Variants in TBL1X observed in about 807,000 individuals in gnomAD.
TBL1X encodes transducin beta like 1 X-linked.
Under a neutral mutation model 50.7 loss-of-function variants are expected in TBL1X, and 10 were observed. That is an observed-to-expected ratio of 0.20 (90% CI 0.12 to 0.33). The LOEUF (loss-of-function observed/expected upper bound fraction) is 0.33. TBL1X is among the 10% of genes least tolerant of loss of function. TBL1X has a pLI of 1.00. For synonymous variants in TBL1X, 190 were observed against 214.7 expected (o/e 0.88, Z 1.01); for missense variants, 340 against 504.4 (o/e 0.67, Z 3.12).
chrX:9,497,216 C>T (rs1290073497), intron 1 of TBL1X, among the ~76,000 whole-genome samples: 1 of 109,985 alleles, frequency 9.1e-6, no homozygotes, highest in African/African-American at 3.3e-5. Context: ...TGAGACCAGC[C>T]TGGGCAACAT....
chrX:9,551,623 A>T (rs2082271545), intron 2 of TBL1X, among the ~76,000 whole-genome samples: 1 of 111,618 alleles, frequency 9.0e-6, no homozygotes, highest in Non-Finnish European at 1.9e-5. Context: ...TCAGGCTGAC[A>T]TATACTCCCT....
At chrX:9,506,648 A>G (rs2082027528) in intron 2 of TBL1X, among the ~76,000 whole-genome samples, 1 of 112,363 alleles carries the variant, frequency 8.9e-6, no homozygotes, top group African/African-American at 3.2e-5. Flanking sequence ...ATCAGAGAAT[A>G]CTATAAACAC....
chrX:9,565,392 C>G (rs1390801220), intron 2 of TBL1X, among the ~76,000 whole-genome samples: 1 of 108,900 alleles, frequency 9.2e-6, no homozygotes, highest in Non-Finnish European at 1.9e-5. Flanking sequence ...GTTATATGAG[C>G]TATCGAAAAC....
At chrX:9,712,108 GA>G (rs1462429867) in intron 16 of TBL1X, among the ~76,000 whole-genome samples, 1 of 112,376 alleles carries the variant, frequency 8.9e-6, no homozygotes, top group African/African-American at 3.2e-5. Flanking sequence ...TCCATGGCAC[GA>G]AACCTTCCAC....
chrX:9,582,246 T>TC (rs1201098731), intron 2 of TBL1X, among the ~76,000 whole-genome samples: 2 of 112,010 alleles, frequency 1.8e-5, no homozygotes, highest in Non-Finnish European at 1.9e-5. Context: ...TGAAGTGTGA[T>TC]CTCCCATATT....
intron 8 of TBL1X, 142 bp from the exon 9 acceptor site, chrX:9,691,971 A>G: frequency 9.7e-7 from 1 of 1,034,657 alleles, no homozygotes; most frequent in South Asian, 2.2e-5. Context: ...AAAGATGGCA[A>G]AGAGGGAAAC....
In TBL1X at chrX:9,522,787, G is replaced by A. The variant is rs1367847869; in HGVS notation, c.-131+20938G>A. Among the ~76,000 whole-genome samples, 4 of 111,615 alleles carry A rather than the reference G, an allele frequency of 3.6e-5. No individual in the cohort carries two copies. The East Asian group carries it at 1.1e-3, about 32-fold the overall frequency. ...AGGAATGCCTTGTCCCTCCTGCCTC[G>A]GTTGAACTCACTTTCTCAGGCTCCC... On this transcript the variant is annotated intron_variant, in intron 2 of 17. Coordinates refer to ENST00000645353, the MANE Select transcript of TBL1X (RefSeq NM_005647.4).
Position 9,555,252 on chromosome X carries a change from A to G in TBL1X, c.-131+53403A>G, listed in dbSNP as rs185474471. On this transcript the variant is annotated intron_variant, in intron 2 of 17. Coordinates refer to ENST00000645353, the MANE Select transcript of TBL1X (RefSeq NM_005647.4). ...CACCACGCCTGGCTAATTTGTTTTTAGTTTTGTAGAGAGAGTGTCTTGTTA... is the reference window on the plus strand; with the variant it reads ...CACCACGCCTGGCTAATTTGTTTTTGGTTTTGTAGAGAGAGTGTCTTGTTA... 7.3e-5 allele frequency among the ~76,000 whole-genome samples: 8 copies of G among 110,248 alleles called. No individual in the cohort carries two copies. In the East Asian group the frequency reaches 2.3e-3, roughly 32 times the overall value.
At chrX:9,622,814 C>A (rs987185463) in intron 2 of TBL1X, among the ~76,000 whole-genome samples, 3 of 111,644 alleles carry the variant, frequency 2.7e-5, no homozygotes, top group African/African-American at 9.8e-5. Flanking sequence ...AATTTCATTC[C>A]ATTTAAAGGC....
At chrX:9,664,341 C>T (rs1414212304) in intron 5 of TBL1X, among the ~76,000 whole-genome samples, 1 of 112,387 alleles carries the variant, frequency 8.9e-6, no homozygotes, top group African/African-American at 3.2e-5. Flanking sequence ...TTATATTTCG[C>T]AGGTCATTAG....
intron 2 of TBL1X, among the ~76,000 whole-genome samples, chrX:9,561,300 G>A (rs748369693): frequency 1.3e-4 from 14 of 111,968 alleles, no homozygotes; most frequent in South Asian, 3.7e-4. Context: ...GTTCCGCAGC[G>A]TCTTTCAGTA....
intron 2 of TBL1X, among the ~76,000 whole-genome samples, chrX:9,617,525 G>C (rs2082645144): frequency 8.9e-6 from 1 of 112,417 alleles, no homozygotes; most frequent in Non-Finnish European, 1.9e-5. Flanking sequence ...AAATGGCATA[G>C]CTACAGTGTT....
At chrX:9,606,921 C>G (rs184634441) in intron 2 of TBL1X, among the ~76,000 whole-genome samples, 16 of 112,230 alleles carry the variant, frequency 1.4e-4, no homozygotes, top group African/African-American at 4.9e-4. Context: ...GTTGGCCTTT[C>G]CCTTTCAAAA....
At chrX:9,623,491 G>A (rs1184677779) in intron 2 of TBL1X, among the ~76,000 whole-genome samples, 2 of 110,699 alleles carry the variant, frequency 1.8e-5, no homozygotes, top group African/African-American at 3.3e-5. Flanking sequence ...GTTCGAGACC[G>A]GCCTAGGCAT....
intron 3 of TBL1X, among the ~76,000 whole-genome samples, chrX:9,649,667 A>G (rs1330960914): frequency 8.9e-6 from 1 of 112,085 alleles, no homozygotes; most frequent in African/African-American, 3.2e-5. Context: ...CATTCTCCAT[A>G]GTTCTATATA....
At chrX:9,705,196 GCTA>G in intron 13 of TBL1X, 82 bp downstream of exon 13, 2 of 1,184,009 alleles carry the variant, frequency 1.7e-6, no homozygotes, top group Non-Finnish European at 2.3e-6. Flanking sequence ...AGAATTAAAA[GCTA>G]CTGCAGCAGC....
intron 2 of TBL1X, among the ~76,000 whole-genome samples, chrX:9,523,787 C>T (rs1392456067): frequency 2.7e-5 from 3 of 111,203 alleles, no homozygotes; most frequent in Non-Finnish European, 3.8e-5. Flanking sequence ...CTGTAGTCAT[C>T]GAGTGAAGCC....
At chrX:9,675,044 A>C (rs1985092270) in intron 5 of TBL1X, among the ~76,000 whole-genome samples, 1 of 112,032 alleles carries the variant, frequency 8.9e-6, no homozygotes, top group African/African-American at 3.2e-5. Context: ...TTAAATAGCT[A>C]TTAAATTTCA....
Position 9,718,792 on chromosome X carries a change from C to T in TBL1X, c.*2546C>T, listed in dbSNP as rs771080789. ...TAGTCTTGATGAATGTGAACCATGT[C>T]GGAATTGTTAGGTAGAAACCTGGGC... On this transcript the variant is annotated 3_prime_UTR_variant, in exon 18 of 18. Coordinates refer to ENST00000645353, the MANE Select transcript of TBL1X (RefSeq NM_005647.4). 1.5e-4 allele frequency: 17 copies of T among 111,926 alleles called. No homozygotes were observed. The highest frequency in any genetic ancestry group is 1.4e-3 in the Admixed American group (15 of 10,584). 9.2% of individuals were successfully genotyped at this position (111,926 alleles called of 1,213,427 possible).
Sources: gnomAD v4.1 joint callset for allele counts (sites outside exome capture counted in the v4.1 genomes callset) on GRCh38, gnomAD v4.1.1 for gene constraint, MANE v1.5 for transcripts, NCBI Gene and HGNC (gene_info 2026-07-23, HGNC 2026-07-21) for gene names.